The following PDE7A variants were observed in gnomAD, a reference collection of about 807,000 sequenced individuals.
PDE7A encodes the protein high affinity 3',5'-cyclic-AMP phosphodiesterase 7A.
A neutral mutation model predicts 64.3 loss-of-function variants in PDE7A; 39 were observed. That is an observed-to-expected ratio of 0.61 (90% confidence interval 0.47 to 0.79). The LOEUF (loss-of-function observed/expected upper bound fraction) is 0.79. Among genes scored for constraint, PDE7A ranks in the 30% least tolerant of loss-of-function variants. The probability of loss-of-function intolerance (pLI) is 0.00; values close to 1 mark genes in which losing one functional copy is unlikely to be tolerated. For synonymous variants in PDE7A, 203 were observed against 206.8 expected, an observed-to-expected ratio of 0.98 and a Z score of 0.16; for missense variants, 470 against 582.8, an observed-to-expected ratio of 0.81 and a Z score of 1.99.
intron 3 of PDE7A, among the ~76,000 whole-genome samples, chr8:65,767,043 GACC>G (rs879724173): frequency 2.6e-5 from 4 of 151,708 alleles, no homozygotes; most frequent in African/African-American, 7.3e-5. Context: ...ACAACGCCTG[GACC>G]ACTACATCCA....
At position 65,718,409 on chromosome 8, in the gene PDE7A, T is replaced by C. The variant is rs1416446601; in HGVS notation, c.*881A>G. ...CCCACTTTTATTTCAGATTGGCAAA[T>C]ACCCTGAGCTGATTATGGTGTTTTA... On this transcript the variant is annotated 3_prime_UTR_variant, in exon 13 of 13. Coordinates refer to ENST00000401827, the MANE Select transcript of PDE7A (RefSeq NM_001242318.3). The C allele has an allele frequency of 6.6e-6, 1 of 152,210 alleles. No individual in the cohort carries two copies. The highest frequency in any genetic ancestry group is 1.9e-4 in the East Asian group (1 of 5,200). The allele number at this position is 152,210 out of a possible 1,614,324, so 9.4% of individuals were successfully genotyped here.
intron 1 of PDE7A, 68 bp from the exon 2 acceptor site, chr8:65,782,911 A>G: frequency 1.1e-6 from 1 of 873,518 alleles, no homozygotes; most frequent in Non-Finnish European, 1.9e-6. Flanking sequence ...CTCAACAAAC[A>G]TGTATTCATC....
In PDE7A at chr8:65,719,327, T is replaced by C. The variant is rs1394775261; in HGVS notation, c.1412A>G (p.Asn471Ser). The change falls in exon 13 of 13, where the codon AAC becomes AGC. Residue 471 changes from asparagine (N) to serine (S), a missense_variant. By Grantham distance (46) the Asn-to-Ser change is conservative (BLOSUM62 1). Transcript: ENST00000401827. ...ATTTTCCTGAGGTAATAACTGTGAG[T>C]TCAACTCAAATGCAGCATCAGTGTC... is the stretch of plus-strand genomic sequence containing the variant. ...SEDTDAAFELNSQLLPQENRL... is the reference protein window; with the variant it reads ...SEDTDAAFELSSQLLPQENRL... 8.1e-6 allele frequency: 13 copies of C among 1,613,874 alleles called. No individual in the cohort carries two copies. Among genetic ancestry groups the C allele is most frequent in the Non-Finnish European group, 1.1e-5 (13 of 1,179,946 alleles).
chr8:65,755,455 T>G (rs951615986), intron 3 of PDE7A, among the ~76,000 whole-genome samples: 19 of 152,246 alleles, frequency 1.2e-4, no homozygotes, highest in Non-Finnish European at 8.8e-5. Context: ...ATTAACACCT[T>G]AAACTTATAA....
chr8:65,721,926 A>T (rs1228176991), intron 12 of PDE7A: 1 of 149,950 alleles, frequency 6.7e-6, no homozygotes, highest in Non-Finnish European at 1.5e-5. Context: ...CTCCTATCTC[A>T]GCCTCCCAAG....
At chr8:65,728,689 A>G (rs1379839568) in intron 7 of PDE7A, 5 of 152,202 alleles carry the variant, frequency 3.3e-5, no homozygotes, top group African/African-American at 1.2e-4. Flanking sequence ...ATATACATGA[A>G]TGGGCATGGG....
At chr8:65,761,994 C>A (rs748527209) in intron 3 of PDE7A, among the ~76,000 whole-genome samples, 14 of 152,194 alleles carry the variant, frequency 9.2e-5, no homozygotes, top group Non-Finnish European at 1.2e-4. Context: ...GCTCTTGAGA[C>A]CCGACCACTA....
At chr8:65,817,191 C>T (rs898439053) in intron 1 of PDE7A, among the ~76,000 whole-genome samples, 1 of 152,158 alleles carries the variant, frequency 6.6e-6, no homozygotes, top group Non-Finnish European at 1.5e-5. Context: ...AAATTATTTA[C>T]AGAAAAGTTG....
intron 1 of PDE7A, among the ~76,000 whole-genome samples, chr8:65,833,048 C>T (rs1352038630): frequency 2.6e-5 from 4 of 152,192 alleles, no homozygotes; most frequent in Non-Finnish European, 5.9e-5. Flanking sequence ...AAATTAGAGA[C>T]GCTTAACACA....
intron 3 of PDE7A, among the ~76,000 whole-genome samples, chr8:65,767,266 T>C (rs1296161358): frequency 6.6e-6 from 1 of 152,154 alleles, no homozygotes; most frequent in Non-Finnish European, 1.5e-5. Flanking sequence ...ATGACCAGCA[T>C]AGTATGAACG....
intron 1 of PDE7A, among the ~76,000 whole-genome samples, chr8:65,786,213 G>C (rs186619992): frequency 6.6e-6 from 1 of 152,214 alleles, no homozygotes; most frequent in East Asian, 1.9e-4. Flanking sequence ...ACTAATTTAA[G>C]TAAGGCTAGT....
At chr8:65,749,549 GT>G (rs1807838840) in intron 3 of PDE7A, among the ~76,000 whole-genome samples, 3 of 152,198 alleles carry the variant, frequency 2.0e-5, no homozygotes, top group African/African-American at 7.2e-5. Context: ...TGATGATTAT[GT>G]TTAAACTAGA....
At chr8:65,743,433 C>T (rs1334725810) in intron 5 of PDE7A, among the ~76,000 whole-genome samples, 1 of 152,052 alleles carries the variant, frequency 6.6e-6, no homozygotes, top group Non-Finnish European at 1.5e-5. Context: ...AGAGAGATAG[C>T]GAAGGGGAGG....
intron 1 of PDE7A, among the ~76,000 whole-genome samples, chr8:65,825,734 G>GT: frequency 6.6e-6 from 1 of 152,230 alleles, no homozygotes; most frequent in East Asian, 1.9e-4. Context: ...GATTAAATGA[G>GT]TAAGTTTTTC....
chr8:65,815,031 A>G (rs2128930865), intron 1 of PDE7A, among the ~76,000 whole-genome samples: 1 of 152,044 alleles, frequency 6.6e-6, no homozygotes, highest in East Asian at 1.9e-4. Flanking sequence ...CAGTGAGCTG[A>G]GATTGCGCCA....
intron 1 of PDE7A, among the ~76,000 whole-genome samples, chr8:65,799,565 G>C (rs1180258650): frequency 6.6e-6 from 1 of 152,224 alleles, no homozygotes; most frequent in Non-Finnish European, 1.5e-5. Flanking sequence ...AGATGGTCTA[G>C]ACTAGGGTAG....
At chr8:65,760,233 T>TCAAAA (rs1002591720) in intron 3 of PDE7A, among the ~76,000 whole-genome samples, 4 of 152,062 alleles carry the variant, frequency 2.6e-5, no homozygotes, top group African/African-American at 9.7e-5. Context: ...GTGAGACTCC[T>TCAAAA]CAAAACAAAA....
intron 3 of PDE7A, among the ~76,000 whole-genome samples, chr8:65,757,544 C>A (rs532615203): frequency 6.6e-6 from 1 of 152,296 alleles, no homozygotes; most frequent in Non-Finnish European, 1.5e-5. Context: ...GTTATTCTTT[C>A]CGGCATCTGG....
chr8:65,769,427 G>A (rs968448673), intron 3 of PDE7A, among the ~76,000 whole-genome samples: 5 of 152,130 alleles, frequency 3.3e-5, no homozygotes, highest in Admixed American at 2.6e-4. Flanking sequence ...GAGCATATTT[G>A]TACCAGATCT....
Sources: gnomAD v4.1 joint callset for allele counts (sites outside exome capture counted in the v4.1 genomes callset) on GRCh38, gnomAD v4.1.1 for gene constraint, MANE v1.5 for transcripts, NCBI Gene and HGNC (gene_info 2026-07-23, HGNC 2026-07-21) for gene names.